The following SPIRE1 variants were observed in gnomAD, a reference collection of about 807,000 sequenced individuals.
SPIRE1 encodes the protein protein spire homolog 1.
A neutral mutation model predicts 94.1 loss-of-function variants in SPIRE1; 40 were observed. The observed-to-expected ratio is 0.43, with a 90% CI of 0.33 to 0.55. The LOEUF is 0.55. Ranked by LOEUF, SPIRE1 falls within the 20% of genes least tolerant of loss-of-function variation. The pLI, the probability that SPIRE1 is intolerant of heterozygous loss-of-function variation, is 0.06. For synonymous variants in SPIRE1, 376 were observed against 371.7 expected (o/e 1.01, Z -0.13); for missense variants, 838 against 975.2 (o/e 0.86, Z 1.87).
intron 2 of SPIRE1, among the ~76,000 whole-genome samples, chr18:12,548,176 C>T (rs2035229068): frequency 6.6e-6 from 1 of 152,226 alleles, no homozygotes; most frequent in African/African-American, 2.4e-5. Flanking sequence ...GATCTCACTG[C>T]TCTCTCCTTC....
At chr18:12,489,817 T>C (rs1403127224) in intron 8 of SPIRE1, among the ~76,000 whole-genome samples, 3 of 152,248 alleles carry the variant, frequency 2.0e-5, no homozygotes, top group Non-Finnish European at 4.4e-5. Flanking sequence ...CCTCATTTTG[T>C]AATGCACAAG....
intron 2 of SPIRE1, among the ~76,000 whole-genome samples, chr18:12,624,556 A>C (rs2144760592): frequency 6.6e-6 from 1 of 151,216 alleles, no homozygotes; most frequent in East Asian, 2.0e-4. Context: ...AAAAAAAAAA[A>C]AAAAATCTAC....
intron 5 of SPIRE1, among the ~76,000 whole-genome samples, chr18:12,507,241 T>C (rs2033866774): frequency 2.0e-5 from 3 of 152,188 alleles, no homozygotes. Flanking sequence ...TTACACGGTA[T>C]TACTGTGACC....
chr18:12,585,832 C>T (rs2144560395), intron 2 of SPIRE1, among the ~76,000 whole-genome samples: 1 of 152,206 alleles, frequency 6.6e-6, no homozygotes, highest in Non-Finnish European at 1.5e-5. Flanking sequence ...TAGGAGAACA[C>T]ACAAATTGTT....
At position 12,540,128 on chromosome 18, in the gene SPIRE1, C is replaced by T. The variant is rs191796586; in HGVS notation, c.604-4527G>A. Among the ~76,000 whole-genome samples, 569 of 152,040 alleles carry T rather than the reference C, an allele frequency of 3.7e-3. 8 individuals are homozygous for T. The highest frequency in any genetic ancestry group is 0.011 in the African/African-American group (457 of 41,482). ...CCCAGGCATGGGAGGGCCAGTGGCTCCCACTGAACTTAAAACCCAAACTCT... is the reference window on the plus strand; with the variant it reads ...CCCAGGCATGGGAGGGCCAGTGGCTTCCACTGAACTTAAAACCCAAACTCT... On this transcript the variant is annotated intron_variant, in intron 3 of 16. Coordinates refer to ENST00000409402, the MANE Select transcript of SPIRE1 (RefSeq NM_001128626.2).
intron 10 of SPIRE1, among the ~76,000 whole-genome samples, chr18:12,472,109 A>G: frequency 6.6e-6 from 1 of 152,156 alleles, no homozygotes; most frequent in African/African-American, 2.4e-5. Flanking sequence ...TTATACAAGG[A>G]TCATAGCTGC....
chr18:12,617,368 C>A (rs749274360), intron 2 of SPIRE1, among the ~76,000 whole-genome samples: 1 of 152,058 alleles, frequency 6.6e-6, no homozygotes, highest in Non-Finnish European at 1.5e-5. Context: ...GCACCAACCA[C>A]CATGCCCAGC....
intron 8 of SPIRE1, among the ~76,000 whole-genome samples, chr18:12,490,425 C>T (rs1231432679): frequency 6.6e-6 from 1 of 152,160 alleles, no homozygotes; most frequent in African/African-American, 2.4e-5. Context: ...CAATCCCTCT[C>T]AAGCTCTTTC....
At chr18:12,450,046 T>G (rs1380078611) in intron 16 of SPIRE1, 150 bp from the exon 17 acceptor site, 2 of 883,038 alleles carry the variant, frequency 2.3e-6, no homozygotes, top group African/African-American at 3.4e-5. Flanking sequence ...AAAAAATTTC[T>G]TATTGGTGAC....
At chr18:12,591,107 G>A (rs1250282971) in intron 2 of SPIRE1, among the ~76,000 whole-genome samples, 2 of 152,162 alleles carry the variant, frequency 1.3e-5, no homozygotes, top group Admixed American at 1.3e-4. Context: ...TGCAGAGGTG[G>A]CTATTAGGGT....
chr18:12,452,283 G>A lies in SPIRE1; in HGVS notation c.1984C>T (p.His662Tyr). The change falls in exon 16 of 17, where the codon CAT (histidine) becomes TAT (tyrosine). Residue 662 changes from histidine to tyrosine, a missense_variant. His to Tyr is a moderately conservative substitution (Grantham distance 83). Transcript: ENST00000409402. Reference protein sequence around the residue: ...SMRSEKPSTAHHRPLRSIARF... With the variant: ...SMRSEKPSTAYHRPLRSIARF... The stretch of plus-strand genomic sequence containing the variant: ...GCAATGCTCCGAAGTGGCCGATGAT[G>A]GGCAGTGGAGGGTTTTTCTGACCTC... 3.7e-6 allele frequency: 6 copies of A among 1,614,092 alleles called. No individual in the cohort carries two copies. Among genetic ancestry groups the A allele is most frequent in the Non-Finnish European group, 5.1e-6 (6 of 1,180,006 alleles).
chr18:12,648,637 C>T (rs781654734), intron 1 of SPIRE1, among the ~76,000 whole-genome samples: 10 of 151,996 alleles, frequency 6.6e-5, no homozygotes, highest in Non-Finnish European at 1.3e-4. Context: ...CGCCTGTAAT[C>T]CCAGCACTTT....
chr18:12,616,506 G>C (rs1232972377), intron 2 of SPIRE1, among the ~76,000 whole-genome samples: 1 of 152,222 alleles, frequency 6.6e-6, no homozygotes, highest in African/African-American at 2.4e-5. Flanking sequence ...TCCCAGAGCA[G>C]CCACAAGAGA....
At chr18:12,591,552 A>G (rs2036536289) in intron 2 of SPIRE1, among the ~76,000 whole-genome samples, 2 of 152,224 alleles carry the variant, frequency 1.3e-5, no homozygotes, top group African/African-American at 4.8e-5. Context: ...AGTCGGAAGG[A>G]GTGCTGATGA....
intron 12 of SPIRE1, among the ~76,000 whole-genome samples, chr18:12,454,931 AGTG>A (rs1350187608): frequency 1.3e-5 from 2 of 150,618 alleles, no homozygotes; most frequent in African/African-American, 4.9e-5. Context: ...GCAAATCTAC[AGTG>A]GTCCTTTTTT....
At chr18:12,640,291 A>G (rs541001780) in intron 1 of SPIRE1, among the ~76,000 whole-genome samples, 2 of 152,332 alleles carry the variant, frequency 1.3e-5, no homozygotes, top group Admixed American at 6.5e-5. Context: ...ATTATTCTCC[A>G]GCTTTTTACT....
chr18:12,449,937 T>C lies in SPIRE1; in HGVS notation c.2013-41A>G, dbSNP rs200491799. 1.2e-4 allele frequency: 184 copies of C among 1,588,102 alleles called. No homozygotes were observed. The African/African-American group carries it at 2.1e-3, about 18-fold the overall frequency. ...AACAGAAGCCCAGCATTGTTACTTA[T>C]AGGTCTGCTGCAATATTAAGAAAAT... On this transcript the variant is annotated intron_variant, in intron 16 of 16. Coordinates refer to ENST00000409402, the MANE Select transcript of SPIRE1 (RefSeq NM_001128626.2).
chr18:12,655,226 A>C (rs890982358), intron 1 of SPIRE1, among the ~76,000 whole-genome samples: 2 of 132,502 alleles, frequency 1.5e-5, no homozygotes, highest in African/African-American at 6.0e-5. Flanking sequence ...AGACCCTGTC[A>C]AAAAAAAAAA....
In SPIRE1 at chr18:12,455,668, G is replaced by C. The variant is rs565051982; in HGVS notation, c.1639-1185C>G. Among the ~76,000 whole-genome samples the C allele has an allele frequency of 1.4e-4, 21 of 152,286 alleles. No homozygotes were observed. The South Asian group carries it at 4.1e-3, about 30-fold the overall frequency. The stretch of plus-strand genomic sequence containing the variant: ...ACTTGATTGGTGGATCTCAGAGAAA[G>C]ACAGAACAGTCTTGTGCATTCGGAC... On this transcript the variant is annotated intron_variant, in intron 12 of 16. Coordinates refer to ENST00000409402, the MANE Select transcript of SPIRE1 (RefSeq NM_001128626.2).
Sources: allele counts gnomAD v4.1 joint callset (sites outside exome capture counted in the v4.1 genomes callset), GRCh38; gene constraint gnomAD v4.1.1; transcripts MANE v1.5; gene names NCBI Gene and HGNC (gene_info 2026-07-23, HGNC 2026-07-21).